NRP1: variants seen among roughly 807,000 people sequenced by gnomAD.
NRP1 encodes neuropilin-1.
A neutral mutation model predicts 106.7 loss-of-function variants in NRP1; 35 were observed. The ratio of observed to expected loss-of-function variants is 0.33; its 90% confidence interval spans 0.25 to 0.43. The LOEUF is 0.43. Among genes scored for constraint, NRP1 ranks in the 20% least tolerant of loss-of-function variants. The pLI is 1.00. For synonymous variants in NRP1, 437 were observed against 417.9 expected, an observed-to-expected ratio of 1.05 and a Z score of -0.56; for missense variants, 1,024 against 1,170.4, an observed-to-expected ratio of 0.87 and a Z score of 1.83.
intron 2 of NRP1, among the ~76,000 whole-genome samples, chr10:33,310,612 T>C (rs1846533525): frequency 6.6e-6 from 1 of 152,132 alleles, no homozygotes. Flanking sequence ...ATGGAAACAT[T>C]TGTATCATCA....
Position 33,278,479 on chromosome 10 carries a change from C to T in NRP1, c.249-7623G>A, listed in dbSNP as rs138438193. Among the ~76,000 whole-genome samples the T allele has an allele frequency of 7.9e-3, 1,200 of 152,268 alleles. 13 individuals carry two copies. The highest frequency in any genetic ancestry group is 0.027 in the African/African-American group (1,133 of 41,548). On this transcript the variant is annotated intron_variant, in intron 2 of 16. Transcript: ENST00000374867. ...TGGATGTACTTAAGCTAAACCCTCT[C>T]TCCTGCAACCAACTTCACTGACTGT...
chr10:33,323,241 CA>C (rs5784334), intron 2 of NRP1, among the ~76,000 whole-genome samples: 3 of 150,386 alleles, frequency 2.0e-5, no homozygotes, highest in Admixed American at 1.3e-4. Flanking sequence ...ATATGTTTTT[CA>C]AAAAAAAACC....
intron 2 of NRP1, among the ~76,000 whole-genome samples, chr10:33,275,508 C>T (rs1251155598): frequency 6.6e-6 from 1 of 151,932 alleles, no homozygotes; most frequent in Non-Finnish European, 1.5e-5. Flanking sequence ...GTGGAGGCTG[C>T]AGTGAGCCGA....
At chr10:33,228,755 C>T (rs1213597534) in intron 6 of NRP1, among the ~76,000 whole-genome samples, 3 of 152,140 alleles carry the variant, frequency 2.0e-5, no homozygotes, top group African/African-American at 7.2e-5. Context: ...TATTTCATTT[C>T]CCTGGTTTTA....
At chr10:33,321,274 G>A (rs747284014) in intron 2 of NRP1, among the ~76,000 whole-genome samples, 9 of 152,164 alleles carry the variant, frequency 5.9e-5, no homozygotes, top group East Asian at 5.8e-4. Context: ...GTGAGCCACC[G>A]CGCCTGGCTA....
intron 2 of NRP1, among the ~76,000 whole-genome samples, chr10:33,277,804 G>A (rs1304937083): frequency 6.6e-6 from 1 of 152,004 alleles, no homozygotes; most frequent in Non-Finnish European, 1.5e-5. Context: ...AGTTTATAAA[G>A]TATTCTTTCT....
chr10:33,257,156 T>G (rs1842253448), intron 4 of NRP1, among the ~76,000 whole-genome samples: 1 of 152,202 alleles, frequency 6.6e-6, no homozygotes, highest in Non-Finnish European at 1.5e-5. Flanking sequence ...CAACTTATAA[T>G]CTAAATGAAA....
intron 2 of NRP1, among the ~76,000 whole-genome samples, chr10:33,325,385 T>A (rs1208201790): frequency 1.3e-5 from 2 of 152,086 alleles, no homozygotes; most frequent in African/African-American, 2.4e-5. Context: ...TAACATTTTT[T>A]AAAAATCCAA....
At chr10:33,227,974 CT>C (rs1268513993) in intron 6 of NRP1, among the ~76,000 whole-genome samples, 3 of 143,756 alleles carry the variant, frequency 2.1e-5, no homozygotes, top group Non-Finnish European at 3.1e-5. Flanking sequence ...GTTTTTTTTT[CT>C]TTAACTCTCC....
At chr10:33,325,385 T>TAAAAATCCAAATTAATCCTA (rs1847817336) in intron 2 of NRP1, among the ~76,000 whole-genome samples, 2 of 152,086 alleles carry the variant, frequency 1.3e-5, no homozygotes, top group Admixed American at 1.3e-4. Context: ...TAACATTTTT[T>TAAAAATCCAAATTAATCCTA]AAAAATCCAA....
rs1842200967 is a variant in NRP1, at chr10:33,256,426, C to T, written c.704G>A (p.Arg235Gln). The change falls in exon 5 of 17, where the codon CGA becomes CAA. Residue 235 changes from arginine (R) to glutamine (Q), a missense_variant. Physicochemically the swap from Arg to Gln is conservative, Grantham distance 43. Transcript: ENST00000374867. ...GRYCGQKTPG[R>Q]IRSSSGILSM... ...GAGAATGCCCGATGAGGATCGGATTCGACCTGGTGTTTTCTGTCCACAGTA... is the reference window on the plus strand; with the variant it reads ...GAGAATGCCCGATGAGGATCGGATTTGACCTGGTGTTTTCTGTCCACAGTA... 1.2e-6 allele frequency: 2 copies of T among 1,614,178 alleles called. No homozygotes were observed. Among genetic ancestry groups the T allele is most frequent in the South Asian group, 1.1e-5 (1 of 91,082 alleles).
intron 2 of NRP1, among the ~76,000 whole-genome samples, chr10:33,310,759 GAAGA>G (rs1381438028): frequency 1.3e-5 from 2 of 152,162 alleles, no homozygotes; most frequent in African/African-American, 2.4e-5. Flanking sequence ...TCTTTCGTGG[GAAGA>G]AATAAGCGTG....
At chr10:33,304,239 G>A (rs934414987) in intron 2 of NRP1, among the ~76,000 whole-genome samples, 8 of 152,102 alleles carry the variant, frequency 5.3e-5, no homozygotes, top group South Asian at 4.1e-4. Context: ...TCTCCATTCC[G>A]TCTTCTTTCA....
intron 4 of NRP1, 53 bp from the exon 5 acceptor site, chr10:33,256,524 A>G (rs1842208863): frequency 1.3e-6 from 2 of 1,593,904 alleles, no homozygotes; most frequent in East Asian, 2.2e-5. Flanking sequence ...CCTGCAGCAG[A>G]TGCAAGAATT....
At chr10:33,230,597 ATGTGTGTGTGTGTGTG>A (rs10558085) in intron 6 of NRP1, among the ~76,000 whole-genome samples, 27 of 144,696 alleles carry the variant, frequency 1.9e-4, no homozygotes, top group South Asian at 6.6e-4. Flanking sequence ...TTTCTCATAT[ATGTGTGTGTGTGTGTG>A]TGTGTGTGTG....
At chr10:33,199,389 ATTTTTTTTTT>A (rs1160327036) in intron 11 of NRP1, among the ~76,000 whole-genome samples, 18 of 36,824 alleles carry the variant, frequency 4.9e-4, no homozygotes, top group East Asian at 1.5e-3. Flanking sequence ...ATATATATAT[ATTTTTTTTTT>A]TTTTTTTTTT....
At chr10:33,294,834 A>G (rs1453315795) in intron 2 of NRP1, among the ~76,000 whole-genome samples, 1 of 152,122 alleles carries the variant, frequency 6.6e-6, no homozygotes, top group East Asian at 1.9e-4. Flanking sequence ...ATTACCCTAG[A>G]AGATCTCTAA....
intron 2 of NRP1, 26 bp downstream of exon 2, chr10:33,330,682 C>T: frequency 6.3e-7 from 1 of 1,597,438 alleles, no homozygotes; most frequent in Non-Finnish European, 8.6e-7. Context: ...TGCTGTGGTG[C>T]CCTGTTCAAA....
chr10:33,193,898 C>T (rs964630412), intron 12 of NRP1, among the ~76,000 whole-genome samples: 1 of 152,224 alleles, frequency 6.6e-6, no homozygotes, highest in Admixed American at 6.5e-5. Flanking sequence ...CCAAATGGAG[C>T]AGTTTGGATT....
Sources: gnomAD v4.1 joint callset for allele counts (sites outside exome capture counted in the v4.1 genomes callset) on GRCh38, gnomAD v4.1.1 for gene constraint, MANE v1.5 for transcripts, NCBI Gene and HGNC (gene_info 2026-07-23, HGNC 2026-07-21) for gene names.